Variants in VAV1 observed in about 807,000 individuals in gnomAD.
VAV1 encodes vav guanine nucleotide exchange factor 1.
A neutral mutation model predicts 128.1 loss-of-function variants in VAV1; 33 were observed. That is an observed-to-expected ratio of 0.26 (90% CI 0.20 to 0.34). VAV1 has a LOEUF of 0.34. VAV1 is among the 10% of genes least tolerant of loss of function. The pLI is 1.00. For missense variants in VAV1, 715 were observed against 1,093.7 expected (o/e 0.65, Z 4.88); for synonymous variants, 394 against 409.8 (o/e 0.96, Z 0.47).
intron 22 of VAV1, among the ~76,000 whole-genome samples, chr19:6,844,143 G>A (rs1972459371): frequency 8.6e-6 from 1 of 116,134 alleles, no homozygotes; most frequent in East Asian, 3.1e-4. Context: ...ATTACTTAAT[G>A]TCACATGGTG....
At chr19:6,850,225 G>GT (rs760967154) in intron 23 of VAV1, among the ~76,000 whole-genome samples, 814 of 49,058 alleles carry the variant, frequency 0.017, 23 homozygotes, top group East Asian at 0.02. Flanking sequence ...TTGTTTCTTT[G>GT]TTTTTTTTTT....
At chr19:6,783,470 CTTT>C (rs61101390) in intron 1 of VAV1, among the ~76,000 whole-genome samples, 8 of 113,824 alleles carry the variant, frequency 7.0e-5, no homozygotes, top group South Asian at 2.9e-4. Context: ...CACCTCCATC[CTTT>C]TTTTTTTTTT....
chr19:6,813,251 A>G lies in VAV1; in HGVS notation c.205-7451A>G, dbSNP rs1267830938. On this transcript the variant is annotated intron_variant, in intron 1 of 26. Transcript: ENST00000602142. ...TCTACTTCCTGAGTGGCTGGGCCAC[A>G]TAGAGCTTCAGCTCCTCTCCACCTG... is the stretch of plus-strand genomic sequence containing the variant. Among the ~76,000 whole-genome samples the G allele has an allele frequency of 2.0e-5, 3 of 152,220 alleles. No individual in the cohort carries two copies. In the East Asian group the frequency reaches 5.8e-4, roughly 29 times the overall value.
At position 6,837,096 on chromosome 19, in the gene VAV1, C is replaced by T. The variant is rs367644250; in HGVS notation, c.1980+46C>T. ...TGGAATAAGGGCAAGGGGTCCAGGG[C>T]GGGTCCTGGGAGGATGGACAGACTT... On this transcript the variant is annotated intron_variant, in intron 21 of 26. Transcript: ENST00000602142. 34 of 1,600,404 alleles carry T rather than the reference C, an allele frequency of 2.1e-5. No individual in the cohort carries two copies. The highest frequency in any genetic ancestry group is 1.1e-4 in the African/African-American group (8 of 74,576).
intron 20 of VAV1, 104 bp downstream of exon 20, chr19:6,836,672 G>T (rs1972229970): frequency 1.3e-6 from 2 of 1,514,252 alleles, no homozygotes; most frequent in Non-Finnish European, 1.8e-6. Flanking sequence ...TGCTCTGGAG[G>T]TGATGCCTGG....
intron 1 of VAV1, among the ~76,000 whole-genome samples, chr19:6,780,738 AT>A (rs750659829): frequency 6.8e-6 from 1 of 146,616 alleles, no homozygotes; most frequent in Non-Finnish European, 1.5e-5. Flanking sequence ...CATCCGGCTA[AT>A]TTTTTTGTAT....
chr19:6,808,140 C>G lies in VAV1; in HGVS notation c.205-12562C>G, dbSNP rs969349743. Among the ~76,000 whole-genome samples, 4 of 151,940 alleles carry G rather than the reference C, an allele frequency of 2.6e-5. No homozygotes were observed. The South Asian group carries it at 6.2e-4, about 24-fold the overall frequency. ...CCAGCCTTGCCAGCATGGTGAAACC[C>G]GTCTCTACTAAAAATACAAAAATTA... On this transcript the variant is annotated intron_variant, in intron 1 of 26. Transcript: ENST00000602142.
intron 26 of VAV1, among the ~76,000 whole-genome samples, chr19:6,856,730 G>GAAAAA (rs1222535432): frequency 7.3e-5 from 5 of 68,840 alleles, no homozygotes; most frequent in Non-Finnish European, 9.3e-5. Flanking sequence ...TCTCAAAAAA[G>GAAAAA]AAAAAAAAAA....
In VAV1 at chr19:6,813,448, AGG is replaced by A. The variant is rs1353352871; in HGVS notation, c.205-7251_205-7250del. ...ATGGCCAGTCTTGGTTCAATGTGGG[AGG>A]GGATTACAAAAAGGCATCTTAACTT... On this transcript the variant is annotated intron_variant, in intron 1 of 26. Coordinates refer to ENST00000602142, the MANE Select transcript of VAV1 (RefSeq NM_005428.4). Among the ~76,000 whole-genome samples the A allele has an allele frequency of 3.9e-5, 6 of 152,130 alleles. 1 individual carries two copies. The highest frequency in any genetic ancestry group is 1.4e-4 in the African/African-American group (6 of 41,422).
rs1435382677 is a variant in VAV1, at chr19:6,772,745, G to T, written c.-63G>T. 4 of 1,546,260 alleles carry T rather than the reference G, an allele frequency of 2.6e-6. No individual in the cohort carries two copies. Among genetic ancestry groups the T allele is most frequent in the Non-Finnish European group, 3.5e-6 (4 of 1,139,466 alleles). ...CGCTCCACAGGCGAGCAGGGCAGGC[G>T]TGCGGGCGGGTGGGTGGTGGAGGCT... On this transcript the variant is annotated 5_prime_UTR_variant, in exon 1 of 27. Transcript: ENST00000602142. This position sits in a 1 kb window ranked among gnomAD's most constrained non-coding sequence, Gnocchi z 4.8.
At chr19:6,809,634 C>T (rs551070952) in intron 1 of VAV1, among the ~76,000 whole-genome samples, 1 of 152,102 alleles carries the variant, frequency 6.6e-6, no homozygotes, top group East Asian at 1.9e-4. Context: ...ATGGGGGAAC[C>T]ATGGCAAGGT....
rs1440475171 is a variant in VAV1 at position 6,778,936 on chromosome 19, GTA to G, written c.204+5927_204+5928del. On this transcript the variant is annotated intron_variant, in intron 1 of 26. Transcript: ENST00000602142. ...CTGTCAGCCAGGCTGGAGTGCAGTG[GTA>G]TGATCACAGCTCACTGCAGCCTCGA... Among the ~76,000 whole-genome samples, 881 of 148,794 alleles carry G rather than the reference GTA, an allele frequency of 5.9e-3. 36 individuals carry two copies. The highest frequency in any genetic ancestry group is 0.02 in the African/African-American group (790 of 38,986).
At chr19:6,838,225 T>TATC (rs1555705122) in intron 21 of VAV1, among the ~76,000 whole-genome samples, 15,225 of 149,076 alleles carry the variant, frequency 0.1, 2,443 homozygotes, top group African/African-American at 0.35. Flanking sequence ...TATCTATCTA[T>TATC]ATCATCATCA....
At chr19:6,832,629 CTCCTCCTCCCTTTCCTCCCCTTCT>C (rs1459721250) in intron 15 of VAV1, among the ~76,000 whole-genome samples, 13 of 106,176 alleles carry the variant, frequency 1.2e-4, no homozygotes, top group Admixed American at 4.9e-4. Context: ...CCTCTTCTTC[CTCCTCCTCCCTTTCCTCCCCTTCT>C]TCCTCCTCCT....
In VAV1 at chr19:6,777,958, G is replaced by A. The variant is rs931497923; in HGVS notation, c.204+4947G>A. Among the ~76,000 whole-genome samples, 5 of 151,940 alleles carry A rather than the reference G, an allele frequency of 3.3e-5. No individual in the cohort carries two copies. The highest frequency in any genetic ancestry group is 6.6e-5 in the Admixed American group (1 of 15,242). ...TGGGATTACAGGCGCCTGCCACCAC[G>A]CCTGGCTAATTTCTGTTGCCCAGGC... On this transcript the variant is annotated intron_variant, in intron 1 of 26. Coordinates refer to ENST00000602142, the MANE Select transcript of VAV1 (RefSeq NM_005428.4). This position sits in a 1 kb window ranked among gnomAD's most constrained non-coding sequence, Gnocchi z 4.4.
At chr19:6,848,210 G>T in intron 23 of VAV1, 96 bp downstream of exon 23, 2 of 1,120,338 alleles carry the variant, frequency 1.8e-6, no homozygotes, top group Non-Finnish European at 2.4e-6. Context: ...GAAGTGTACG[G>T]TAATAGCATC....
chr19:6,852,239 T>A (rs1170648337), intron 24 of VAV1, among the ~76,000 whole-genome samples: 1 of 152,200 alleles, frequency 6.6e-6, no homozygotes, highest in Non-Finnish European at 1.5e-5. Flanking sequence ...GGTCTTGAAC[T>A]CTTGGCTTCA....
At chr19:6,836,398 C>T (rs748135092) in intron 19 of VAV1, 34 bp from the exon 20 acceptor site, 1 of 1,588,996 alleles carries the variant, frequency 6.3e-7, no homozygotes, top group East Asian at 2.3e-5. Flanking sequence ...AGTTGACTGC[C>T]AACCACCCTG....
intron 1 of VAV1, among the ~76,000 whole-genome samples, chr19:6,778,968 C>A (rs1487828592): frequency 1.4e-5 from 2 of 147,622 alleles, no homozygotes; most frequent in African/African-American, 5.4e-5. Flanking sequence ...CCTCGAACTC[C>A]TGTACTCAAG....
Sources: gnomAD v4.1 joint callset for allele counts (sites outside exome capture counted in the v4.1 genomes callset) on GRCh38, gnomAD v4.1.1 for gene constraint, Gnocchi (gnomAD v3.1) non-coding constraint, MANE v1.5 for transcripts, NCBI Gene and HGNC (gene_info 2026-07-23, HGNC 2026-07-21) for gene names.